Variants in JMJD1C observed in about 807,000 individuals in gnomAD.
JMJD1C encodes jumonji domain containing 1C, also known as jumonji domain-containing protein 1C.
Under a neutral mutation model 245.3 loss-of-function variants are expected in JMJD1C, and 31 were observed. That is an observed-to-expected ratio of 0.13 (90% confidence interval 0.09 to 0.17). JMJD1C has a LOEUF of 0.17. Ranked by LOEUF, JMJD1C falls within the 10% of genes least tolerant of loss-of-function variation. The probability of loss-of-function intolerance (pLI) is 1.00; values close to 1 mark genes in which losing one functional copy is unlikely to be tolerated. For synonymous variants in JMJD1C, 1,057 were observed against 1,017.4 expected (o/e 1.04, Z -0.74); for missense variants, 2,691 against 3,000.2 (o/e 0.90, Z 2.41).
chr10:63,241,418 T>G (rs1359440068), intron 3 of JMJD1C, among the ~76,000 whole-genome samples: 1 of 152,136 alleles, frequency 6.6e-6, no homozygotes, highest in Non-Finnish European at 1.5e-5. Context: ...GGAAGCACAT[T>G]TTACTATTCT....
intron 2 of JMJD1C, among the ~76,000 whole-genome samples, chr10:63,344,651 G>A (rs909524741): frequency 1.3e-5 from 2 of 151,774 alleles, no homozygotes; most frequent in South Asian, 2.1e-4. Context: ...TCTGAAAGAG[G>A]ACATACATTC....
chr10:63,214,833 T>C lies in JMJD1C; in HGVS notation c.1334A>G (p.Glu445Gly). ...DQIQEDKKHE[E>G]AEKRKSVDTQ... ...GTCAACAGACTTCCGCTTCTCTGCTTCTTCATGTTTTTTATCTTCCTGTAT... is the reference window on the plus strand; with the variant it reads ...GTCAACAGACTTCCGCTTCTCTGCTCCTTCATGTTTTTTATCTTCCTGTAT... The change falls in exon 8 of 26, where the codon GAA becomes GGA. Residue 445 changes from glutamate (E) to glycine (G), a missense_variant. Physicochemically the swap from Glu to Gly is moderately conservative, Grantham distance 98. Around this residue, in one of 9 missense-constraint regions of JMJD1C, gnomAD observed 1,562 missense variants for 1,490.7 expected, o/e 1.05. Transcript: ENST00000399262. 1 of 1,613,830 alleles carries C rather than the reference T, an allele frequency of 6.2e-7. No individual in the cohort carries two copies. The highest frequency in any genetic ancestry group is 2.2e-5 in the East Asian group (1 of 44,866).
intron 23 of JMJD1C, 43 bp downstream of exon 23, chr10:63,177,674 C>T (rs769359854): frequency 7.5e-6 from 12 of 1,603,276 alleles, no homozygotes; most frequent in Non-Finnish European, 1.0e-5. Flanking sequence ...TGAATAAGTC[C>T]TTGCTTGAGG....
chr10:63,233,297 C>A (rs1850239596), intron 3 of JMJD1C, among the ~76,000 whole-genome samples: 1 of 152,092 alleles, frequency 6.6e-6, no homozygotes, highest in African/African-American at 2.4e-5. Flanking sequence ...ATATTAATAA[C>A]CTGATTTACT....
At chr10:63,399,603 AAAT>A (rs1948728200) in intron 1 of JMJD1C, among the ~76,000 whole-genome samples, 1 of 152,206 alleles carries the variant, frequency 6.6e-6, no homozygotes, top group African/African-American at 2.4e-5. Context: ...AACAGTCTAG[AAAT>A]AATAATACTA....
chr10:63,259,085 A>T (rs1854355977), intron 3 of JMJD1C, among the ~76,000 whole-genome samples: 1 of 152,226 alleles, frequency 6.6e-6, no homozygotes, highest in Non-Finnish European at 1.5e-5. Context: ...AGTTTGAAAA[A>T]GCAAGTCCCT....
intron 2 of JMJD1C, among the ~76,000 whole-genome samples, chr10:63,278,844 A>G (rs1165958434): frequency 6.6e-6 from 1 of 150,626 alleles, no homozygotes. Flanking sequence ...CCATCTCAAA[A>G]AAAAAAAAAA....
chr10:63,306,535 A>G (rs1253295673), intron 2 of JMJD1C, among the ~76,000 whole-genome samples: 2 of 152,218 alleles, frequency 1.3e-5, no homozygotes, highest in Non-Finnish European at 2.9e-5. Flanking sequence ...TTTATAAAAG[A>G]AAAAATGTAT....
chr10:63,284,857 TCACACACA>T (rs57860875), intron 2 of JMJD1C, among the ~76,000 whole-genome samples: 32,597 of 135,172 alleles, frequency 0.24, 4,098 homozygotes, highest in Non-Finnish European at 0.31. Context: ...CAGGGAAGAT[TCACACACA>T]CACACACACA....
intron 1 of JMJD1C, among the ~76,000 whole-genome samples, chr10:63,460,951 T>C (rs117789984): frequency 0.017 from 2,658 of 152,280 alleles, 34 homozygotes; most frequent in South Asian, 0.034. Flanking sequence ...TTGGAAATTA[T>C]TGGAATACCC....
chr10:63,288,943 T>C (rs1311375150), intron 2 of JMJD1C, among the ~76,000 whole-genome samples: 3 of 149,264 alleles, frequency 2.0e-5, no homozygotes, highest in Non-Finnish European at 3.0e-5. Context: ...ATAATCTGTA[T>C]ATTTTATTTA....
intron 1 of JMJD1C, among the ~76,000 whole-genome samples, chr10:63,499,563 A>G (rs1954476791): frequency 6.6e-6 from 1 of 152,168 alleles, no homozygotes. Context: ...AAAAAAATTT[A>G]CATTCTAGTC....
At chr10:63,366,156 T>C (rs988939028) in intron 2 of JMJD1C, among the ~76,000 whole-genome samples, 3 of 152,166 alleles carry the variant, frequency 2.0e-5, no homozygotes, top group African/African-American at 4.8e-5. Context: ...AGGTAATAGT[T>C]TGACATTCTG....
intron 2 of JMJD1C, among the ~76,000 whole-genome samples, chr10:63,275,195 C>A (rs1296371720): frequency 3.3e-5 from 5 of 152,108 alleles, no homozygotes; most frequent in African/African-American, 1.2e-4. Flanking sequence ...ACTTGGATTT[C>A]CTAATTCACA....
intron 3 of JMJD1C, among the ~76,000 whole-genome samples, chr10:63,238,315 A>AT (rs903274354): frequency 5.1e-4 from 76 of 149,042 alleles, no homozygotes; most frequent in African/African-American, 7.1e-4. Context: ...GCCTTTCAGC[A>AT]TTTTTTTTTT....
intron 11 of JMJD1C, among the ~76,000 whole-genome samples, chr10:63,200,031 G>A (rs1373875986): frequency 6.6e-6 from 1 of 152,130 alleles, no homozygotes; most frequent in Non-Finnish European, 1.5e-5. Flanking sequence ...GACAGAGATG[G>A]AATTCACAAC....
intron 2 of JMJD1C, among the ~76,000 whole-genome samples, chr10:63,343,667 C>T (rs1943570189): frequency 6.6e-6 from 1 of 152,112 alleles, no homozygotes; most frequent in Non-Finnish European, 1.5e-5. Flanking sequence ...CATAAAATTA[C>T]AATGGAGCTG....
intron 2 of JMJD1C, among the ~76,000 whole-genome samples, chr10:63,370,148 A>G (rs2134423012): frequency 6.6e-6 from 1 of 152,344 alleles, no homozygotes; most frequent in Admixed American, 6.5e-5. Context: ...ACTCTACCCT[A>G]AACATCTCTT....
At chr10:63,460,921 G>A (rs912453629) in intron 1 of JMJD1C, among the ~76,000 whole-genome samples, 2 of 152,054 alleles carry the variant, frequency 1.3e-5, no homozygotes, top group Non-Finnish European at 2.9e-5. Flanking sequence ...GGAACTTACT[G>A]AATTCCCTAT....
Sources: allele counts gnomAD v4.1 joint callset (sites outside exome capture counted in the v4.1 genomes callset), GRCh38; gene constraint gnomAD v4.1.1; regional missense constraint gnomAD v4.1.1; transcripts MANE v1.5; gene names NCBI Gene and HGNC (gene_info 2026-07-23, HGNC 2026-07-21).